Variants in EFCAB14 observed in about 807,000 individuals in gnomAD.
EFCAB14 encodes EF-hand calcium-binding domain-containing protein 14.
EFCAB14 carries 43 observed loss-of-function variants against 56.5 expected under a neutral mutation model. The observed-to-expected ratio is 0.76, with a 90% CI of 0.60 to 0.98. The LOEUF (loss-of-function observed/expected upper bound fraction) is 0.98, where lower values mean the gene tolerates loss of function less well. Among genes scored for constraint, EFCAB14 ranks in the 50% least tolerant of loss-of-function variants. The pLI is 0.00. For missense variants in EFCAB14, 538 were observed against 580.3 expected (o/e 0.93, Z 0.75); for synonymous variants, 235 against 212.9 (o/e 1.10, Z -0.90).
chr1:46,712,146 C>G (rs1337625380), intron 2 of EFCAB14, among the ~76,000 whole-genome samples: 1 of 152,198 alleles, frequency 6.6e-6, no homozygotes, highest in East Asian at 1.9e-4. Flanking sequence ...AGGACCAGTA[C>G]TTTTTCTAGT....
intron 3 of EFCAB14, 107 bp from the exon 4 acceptor site, chr1:46,696,756 A>G (rs994242458): frequency 8.7e-6 from 9 of 1,035,924 alleles, no homozygotes; most frequent in Non-Finnish European, 1.3e-5. Flanking sequence ...CTAGGATTTT[A>G]TGTGTTTCTG....
In EFCAB14 at chr1:46,696,568, C is replaced by G; in HGVS notation, c.562G>C (p.Val188Leu). The G allele has an allele frequency of 6.2e-7, 1 of 1,613,466 alleles. No individual in the cohort carries two copies. The change falls in exon 4 of 11, where the codon GTA (valine) becomes CTA (leucine). Residue 188 changes from valine (V) to leucine (L), a missense_variant. Transcript: ENST00000371933. Reference sequence around the variant, plus strand: ...GCACCTACCTTCTGAAGTCCCTCTACAGTGGTAGGCAGGCTAATCAAGTCT... The same window carrying G: ...GCACCTACCTTCTGAAGTCCCTCTAGAGTGGTAGGCAGGCTAATCAAGTCT... ...AADLISLPTT[V>L]EGLQKSVASI...
chr1:46,712,192 T>C (rs1430707379), intron 2 of EFCAB14, among the ~76,000 whole-genome samples: 1 of 152,210 alleles, frequency 6.6e-6, no homozygotes, highest in Admixed American at 6.5e-5. Flanking sequence ...TATTCCCTAA[T>C]GCCCTCGTTA....
intron 3 of EFCAB14, among the ~76,000 whole-genome samples, chr1:46,705,489 A>G (rs1015798400): frequency 6.6e-6 from 1 of 152,190 alleles, no homozygotes; most frequent in Non-Finnish European, 1.5e-5. Context: ...GTCTGTTTGC[A>G]TGTTCTCCTC....
Position 46,677,846 on chromosome 1 carries a change from C to T in EFCAB14, c.*615G>A, listed in dbSNP as rs1484802958. 1 of 152,458 alleles carries T rather than the reference C, an allele frequency of 6.6e-6. No individual in the cohort carries two copies. Among genetic ancestry groups the T allele is most frequent in the Non-Finnish European group, 1.5e-5 (1 of 68,040 alleles). 9.4% of individuals were successfully genotyped at this position (152,458 alleles called of 1,614,324 possible). A position where few individuals can be genotyped will look rare whatever the true frequency, so the allele number is the denominator to read the frequency against. On this transcript the variant is annotated 3_prime_UTR_variant, in exon 11 of 11. Transcript: ENST00000371933. ...GTTCCTCCAGCTACCAGGACAAACC[C>T]CCTGGCAGCGCCTGGGCCTTTGAGG...
chr1:46,697,925 C>T (rs1036845556), intron 3 of EFCAB14, among the ~76,000 whole-genome samples: 7 of 149,188 alleles, frequency 4.7e-5, no homozygotes, highest in Admixed American at 4.7e-4. Flanking sequence ...GATCTTGGCT[C>T]ACCGCAGCCT....
chr1:46,686,494 T>C (rs963296045), intron 8 of EFCAB14, among the ~76,000 whole-genome samples: 21 of 152,206 alleles, frequency 1.4e-4, no homozygotes, highest in African/African-American at 4.1e-4. Flanking sequence ...TGTTCAATTA[T>C]GTGTTAACGA....
At chr1:46,684,432 T>A in intron 9 of EFCAB14, 59 bp downstream of exon 9, 9 of 1,394,374 alleles carry the variant, frequency 6.5e-6, no homozygotes, top group Non-Finnish European at 9.1e-6. Flanking sequence ...CTGCTCCCCA[T>A]GTGAGAGGCA....
rs373315968 is a variant in EFCAB14 at position 46,688,472 on chromosome 1, G to A, written c.868C>T (p.Leu290Phe). 147 of 1,613,792 alleles carry A rather than the reference G, an allele frequency of 9.1e-5. No homozygotes were observed. The Middle Eastern group carries it at 2.0e-3, about 22-fold the overall frequency. Residue 290 changes from leucine (L) to phenylalanine (F), a missense_variant, in exon 7 of 11, where the codon CTT (leucine) becomes TTT (phenylalanine). Transcript: ENST00000371933. ...ALVGYQRQND[L>F]KLEGMNETVS... ...GTCTCGTTCATTCCCTCGAGTTTAA[G>A]ATCATTCTGTCTCTGGTACCCCACT...
Position 46,676,270 on chromosome 1 carries a change from T to C in EFCAB14, c.*2191A>G, listed in dbSNP as rs1676693018. ...CAAACTTGGTAGGGGGAGAGGATGG[T>C]ACTGTATACTGGCTCAGGGGTGATA... On this transcript the variant is annotated 3_prime_UTR_variant, in exon 11 of 11. Coordinates refer to ENST00000371933, the MANE Select transcript of EFCAB14 (RefSeq NM_014774.3). 6.6e-6 allele frequency: 1 copy of C among 152,170 alleles called. No homozygotes were observed. Among genetic ancestry groups the C allele is most frequent in the South Asian group, 2.1e-4 (1 of 4,832 alleles). 9.4% of individuals were successfully genotyped at this position (152,170 alleles called of 1,614,324 possible). A position where few individuals can be genotyped will look rare whatever the true frequency, so the allele number is the denominator to read the frequency against.
At chr1:46,696,344 A>C (rs1182617414) in intron 4 of EFCAB14, among the ~76,000 whole-genome samples, 1 of 152,206 alleles carries the variant, frequency 6.6e-6, no homozygotes, top group Non-Finnish European at 1.5e-5. Flanking sequence ...ACCTGTTGCA[A>C]ATTAAAGGCC....
chr1:46,693,104 C>CGTG (rs1313514941), intron 4 of EFCAB14, among the ~76,000 whole-genome samples: 1 of 152,156 alleles, frequency 6.6e-6, no homozygotes, highest in Non-Finnish European at 1.5e-5. Flanking sequence ...ATCCTGTCAG[C>CGTG]AACCACTGAA....
intron 3 of EFCAB14, among the ~76,000 whole-genome samples, chr1:46,704,591 A>G (rs374621490): frequency 2.0e-5 from 3 of 152,028 alleles, no homozygotes; most frequent in Admixed American, 6.6e-5. Context: ...ACCAGACACC[A>G]AATCTGCTGG....
intron 2 of EFCAB14, among the ~76,000 whole-genome samples, chr1:46,708,278 A>G (rs971011484): frequency 6.6e-6 from 1 of 152,378 alleles, no homozygotes; most frequent in Middle Eastern, 3.4e-3. Context: ...ACTAAAAATC[A>G]TAACAGAATG....
intron 8 of EFCAB14, 39 bp from the exon 9 acceptor site, chr1:46,684,641 G>C: frequency 5.8e-6 from 9 of 1,538,618 alleles, no homozygotes; most frequent in Non-Finnish European, 7.2e-6. Flanking sequence ...TAAGGTGGTA[G>C]TAAGACTTCA....
chr1:46,715,720 G>A (rs1677377805), intron 2 of EFCAB14, among the ~76,000 whole-genome samples: 1 of 151,978 alleles, frequency 6.6e-6, no homozygotes, highest in African/African-American at 2.4e-5. Flanking sequence ...GCTAAGCATT[G>A]ACTGCAATGC....
At chr1:46,687,913 A>G (rs1034663355) in intron 7 of EFCAB14, among the ~76,000 whole-genome samples, 1 of 152,188 alleles carries the variant, frequency 6.6e-6, no homozygotes, top group Non-Finnish European at 1.5e-5. Context: ...AGCAGGATAA[A>G]TATGAAAGCC....
Position 46,675,625 on chromosome 1 carries a change from G to C in EFCAB14, c.*2836C>G, listed in dbSNP as rs1676682601. 6.6e-6 allele frequency: 1 copy of C among 152,296 alleles called. No homozygotes were observed. The allele number at this position is 152,296 out of a possible 1,614,324, so 9.4% of individuals were successfully genotyped here. ...TTATGAACAGCAACCATAAAGAAAG[G>C]AATCTCCAACAGAAGGGACAATGGC... On this transcript the variant is annotated 3_prime_UTR_variant, in exon 11 of 11. Transcript: ENST00000371933.
intron 3 of EFCAB14, among the ~76,000 whole-genome samples, chr1:46,705,448 G>C (rs950887866): frequency 2.6e-5 from 4 of 152,156 alleles, no homozygotes; most frequent in Non-Finnish European, 4.4e-5. Flanking sequence ...ACGTTGATGG[G>C]AAAAAAATCT....
Sources: gnomAD v4.1 joint callset for allele counts (sites outside exome capture counted in the v4.1 genomes callset) on GRCh38, gnomAD v4.1.1 for gene constraint, MANE v1.5 for transcripts, NCBI Gene and HGNC (gene_info 2026-07-23, HGNC 2026-07-21) for gene names.